The following WIPF3 variants were observed in gnomAD, a reference collection of about 807,000 sequenced individuals.
WIPF3 encodes the protein WAS/WASL-interacting protein family member 3.
A neutral mutation model predicts 38.9 loss-of-function variants in WIPF3; 33 were observed. The observed-to-expected ratio is 0.85, with a 90% CI of 0.64 to 1.14. The LOEUF is 1.14. Ranked by LOEUF, WIPF3 falls within the 50% of genes most tolerant of loss-of-function variation. The probability of loss-of-function intolerance (pLI) is 0.00; values close to 1 mark genes in which losing one functional copy is unlikely to be tolerated. For synonymous variants in WIPF3, 324 were observed against 269.3 expected (o/e 1.20, Z -1.99); for missense variants, 711 against 652.5 (o/e 1.09, Z -0.98).
At chr7:29,893,020 G>C (rs917317819) in intron 7 of WIPF3, among the ~76,000 whole-genome samples, 1 of 152,080 alleles carries the variant, frequency 6.6e-6, no homozygotes, top group Non-Finnish European at 1.5e-5. Context: ...AGCTGAGATC[G>C]TGCCATTGCA....
At chr7:29,813,924 A>AT (rs35855181) in intron 1 of WIPF3, among the ~76,000 whole-genome samples, 67,978 of 147,516 alleles carry the variant, frequency 0.46, 15,592 homozygotes, top group Middle Eastern at 0.48. Context: ...TGGTAAGAGA[A>AT]TTTTTTTTTT....
chr7:29,867,070 A>G (rs1785400054), intron 2 of WIPF3, among the ~76,000 whole-genome samples: 1 of 152,234 alleles, frequency 6.6e-6, no homozygotes, highest in Admixed American at 6.5e-5. Flanking sequence ...TAATACATGC[A>G]AAGCAGTTGG....
At chr7:29,903,832 T>C (rs1786336807) in intron 7 of WIPF3, among the ~76,000 whole-genome samples, 1 of 152,232 alleles carries the variant, frequency 6.6e-6, no homozygotes, top group African/African-American at 2.4e-5. Context: ...CCTTTATTTT[T>C]TGAATTCTTA....
chr7:29,834,704 G>A lies in WIPF3; in HGVS notation c.-21G>A. On this transcript the variant is annotated 5_prime_UTR_variant, in exon 2 of 9. Coordinates refer to ENST00000242140, the MANE Select transcript of WIPF3 (RefSeq NM_001080529.3). ...CTCTCTTGGGACCATTCATAAGCAG[G>A]AGACATCAACACCGTGACACATGCC... The A allele has an allele frequency of 6.8e-7, 1 of 1,478,830 alleles. No homozygotes were observed. The allele number at this position is 1,478,830 out of a possible 1,614,324, so 91.6% of individuals were successfully genotyped here.
At chr7:29,819,924 G>T (rs1045649442) in intron 1 of WIPF3, among the ~76,000 whole-genome samples, 10 of 151,986 alleles carry the variant, frequency 6.6e-5, no homozygotes, top group Non-Finnish European at 1.3e-4. Flanking sequence ...ACTATTTACA[G>T]CTAATATATA....
chr7:29,884,264 T>TGGCCCCCCCCC lies in WIPF3; in HGVS notation c.770_771insGGCCCCCCCCC (p.Pro258AlafsTer120). 27 of 1,315,272 alleles carry TGGCCCCCCCCC rather than the reference T, an allele frequency of 2.1e-5. No homozygotes were observed. The highest frequency in any genetic ancestry group is 2.7e-5 in the Non-Finnish European group (27 of 992,696). 81.5% of individuals were successfully genotyped at this position (1,315,272 alleles called of 1,614,324 possible). On this transcript the variant is annotated frameshift_variant, in exon 5 of 9. Coordinates refer to ENST00000242140, the MANE Select transcript of WIPF3 (RefSeq NM_001080529.3). LOFTEE classifies it high-confidence loss of function. Reference sequence around the variant, plus strand: ...AAGCCTCAGCTGGCTCCCTTGCACCTCCCGCCCATCCCGCCCCCGCTCCCT... The same window carrying TGGCCCCCCCCC: ...AAGCCTCAGCTGGCTCCCTTGCACCTGGCCCCCCCCCCCCGCCCATCCCGCCCCCGCTCCCT...
In WIPF3 at chr7:29,827,130, A is replaced by AT. The variant is rs1395674166; in HGVS notation, c.-57-7532dup. Among the ~76,000 whole-genome samples, 36 of 152,218 alleles carry AT rather than the reference A, an allele frequency of 2.4e-4. 1 individual carries two copies. The East Asian group carries it at 2.5e-3, about 11-fold the overall frequency. On this transcript the variant is annotated intron_variant, in intron 1 of 8. Transcript: ENST00000242140. ...CTAGAGCACAAATACATGCTCAGTGATTTTTTCATCAGATTTCCCCCAATC... is the reference window on the plus strand; with the variant it reads ...CTAGAGCACAAATACATGCTCAGTGATTTTTTTCATCAGATTTCCCCCAATC...
chr7:29,898,178 A>C (rs984659533), intron 7 of WIPF3, among the ~76,000 whole-genome samples: 1 of 151,924 alleles, frequency 6.6e-6, no homozygotes, highest in Non-Finnish European at 1.5e-5. Context: ...TTTCTGAAAC[A>C]CTTCTTCATT....
At chr7:29,842,038 G>A (rs1046670833) in intron 2 of WIPF3, among the ~76,000 whole-genome samples, 8 of 152,158 alleles carry the variant, frequency 5.3e-5, no homozygotes, top group Non-Finnish European at 7.3e-5. Context: ...GAAGCCCCTC[G>A]GGGGCCTGTG....
At chr7:29,849,889 A>T (rs1333848319) in intron 2 of WIPF3, among the ~76,000 whole-genome samples, 1 of 152,216 alleles carries the variant, frequency 6.6e-6, no homozygotes, top group Non-Finnish European at 1.5e-5. Context: ...TTTTCTAGAA[A>T]ATTAAATCTA....
intron 2 of WIPF3, among the ~76,000 whole-genome samples, chr7:29,863,750 T>C (rs1222886137): frequency 6.6e-6 from 1 of 152,220 alleles, no homozygotes. Flanking sequence ...TTCATTAGCA[T>C]TTTTTGATTT....
chr7:29,855,527 TA>T (rs1374841768), intron 2 of WIPF3, among the ~76,000 whole-genome samples: 1 of 152,212 alleles, frequency 6.6e-6, no homozygotes, highest in African/African-American at 2.4e-5. Flanking sequence ...AGTCTTTCAG[TA>T]ATCACAAAGT....
In WIPF3 at chr7:29,915,183, T is replaced by G. The variant is rs1786588962; in HGVS notation, c.*667T>G. 6.7e-6 allele frequency: 1 copy of G among 149,848 alleles called. No individual in the cohort carries two copies. The highest frequency in any genetic ancestry group is 6.7e-5 in the Admixed American group (1 of 14,938). The allele number at this position is 149,848 out of a possible 1,614,324, so 9.3% of individuals were successfully genotyped here. A position where few individuals can be genotyped will look rare whatever the true frequency, so the allele number is the denominator to read the frequency against. On this transcript the variant is annotated 3_prime_UTR_variant, in exon 9 of 9. Transcript: ENST00000242140. ...CCGATGCCAACCACAGGGCCCCTTT[T>G]GTAACTGAATAATCCTCCAAGTAGC...
chr7:29,840,024 T>C (rs573621401), intron 2 of WIPF3, among the ~76,000 whole-genome samples: 1 of 152,350 alleles, frequency 6.6e-6, no homozygotes, highest in South Asian at 2.1e-4. Context: ...ATATTCTAGA[T>C]TTTTGCCTCT....
Position 29,884,026 on chromosome 7 carries a change from A to G in WIPF3, c.532A>G (p.Thr178Ala). Residue 178 changes from threonine to alanine, a missense_variant, in exon 5 of 9, where the codon ACC (threonine) becomes GCC (alanine). Physicochemically the swap from Thr to Ala is moderately conservative, Grantham distance 58. Coordinates refer to ENST00000242140, the MANE Select transcript of WIPF3 (RefSeq NM_001080529.3). The part of the protein sequence containing the change: ...RPNVPAPPPP[T>A]PPPPPPPLPP... ...CAACGTGCCTGCCCCGCCCCCTCCC[A>G]CCCCACCCCCTCCGCCTCCACCCTT... 1.8e-6 allele frequency: 1 copy of G among 557,994 alleles called. No homozygotes were observed. The highest frequency in any genetic ancestry group is 2.2e-6 in the Non-Finnish European group (1 of 460,610). 34.6% of individuals were successfully genotyped at this position (557,994 alleles called of 1,614,324 possible).
Position 29,884,058 on chromosome 7 carries a change from G to T in WIPF3, c.564G>T (p.Pro188=). ...TPPPPPPPLP[P]PLPSSSPIKT... is the part of the protein sequence containing the mutation. ...CCCCTCCGCCTCCACCCTTACCCCC[G>T]CCCCTTCCCTCTTCCTCCCCCATCA... Residue 188 remains proline (P), a synonymous_variant, in exon 5 of 9, where the codon CCG becomes CCT. Coordinates refer to ENST00000242140, the MANE Select transcript of WIPF3 (RefSeq NM_001080529.3). The T allele has an allele frequency of 6.5e-6, 5 of 774,546 alleles. No homozygotes were observed. In the South Asian group the frequency reaches 9.8e-5, roughly 15 times the overall value. 48.0% of individuals were successfully genotyped at this position (774,546 alleles called of 1,614,324 possible). A position where few individuals can be genotyped will look rare whatever the true frequency, so the allele number is the denominator to read the frequency against.
chr7:29,807,926 A>AT (rs1486797581), intron 1 of WIPF3, among the ~76,000 whole-genome samples: 1 of 152,200 alleles, frequency 6.6e-6, no homozygotes. Context: ...GCCCAGCATT[A>AT]ATAGTTATCA....
At chr7:29,867,231 C>T (rs1012400979) in intron 2 of WIPF3, among the ~76,000 whole-genome samples, 4 of 152,040 alleles carry the variant, frequency 2.6e-5, no homozygotes, top group East Asian at 3.9e-4. Context: ...GAGAAGGAGC[C>T]GGGACTCTGT....
At position 29,897,431 on chromosome 7, in the gene WIPF3, A is replaced by G. The variant is rs532544352; in HGVS notation, c.1352-6855A>G. Among the ~76,000 whole-genome samples, 12 of 152,232 alleles carry G rather than the reference A, an allele frequency of 7.9e-5. No individual in the cohort carries two copies. The South Asian group carries it at 1.0e-3, about 13-fold the overall frequency. On this transcript the variant is annotated intron_variant, in intron 7 of 8. Transcript: ENST00000242140. ...TGGGCCATTTTACACTTCTACCATCAGTGTGCAAGTGTTTCAATTTCTCTA... is the reference window on the plus strand; with the variant it reads ...TGGGCCATTTTACACTTCTACCATCGGTGTGCAAGTGTTTCAATTTCTCTA...
Sources: gnomAD v4.1 joint callset for allele counts (sites outside exome capture counted in the v4.1 genomes callset) on GRCh38, gnomAD v4.1.1 for gene constraint, MANE v1.5 for transcripts, NCBI Gene and HGNC (gene_info 2026-07-23, HGNC 2026-07-21) for gene names.